Variants in PHACTR1 observed in about 807,000 individuals in gnomAD.
PHACTR1 encodes the protein phosphatase and actin regulator 1, also known as RPEL repeat containing 1.
In PHACTR1, 16 loss-of-function variants were observed where a neutral mutation model predicts 69.2. The ratio of observed to expected loss-of-function variants is 0.23; its 90% CI spans 0.16 to 0.35. The LOEUF (loss-of-function observed/expected upper bound fraction) is 0.35, where lower values mean the gene tolerates loss of function less well. Ranked by LOEUF, PHACTR1 falls within the 10% of genes least tolerant of loss-of-function variation. The probability of loss-of-function intolerance (pLI) is 1.00; values close to 1 mark genes in which losing one functional copy is unlikely to be tolerated. For synonymous variants in PHACTR1, 312 were observed against 284.5 expected, an observed-to-expected ratio of 1.10 and a Z score of -0.97; for missense variants, 510 against 734.7, an observed-to-expected ratio of 0.69 and a Z score of 3.54.
chr6:12,747,540 C>T (rs1765952678), intron 3 of PHACTR1, among the ~76,000 whole-genome samples: 1 of 151,944 alleles, frequency 6.6e-6, no homozygotes, highest in African/African-American at 2.4e-5. Context: ...GTGGTGCATG[C>T]CTGTAATCCT....
At chr6:12,788,053 T>C (rs1181359490) in intron 4 of PHACTR1, among the ~76,000 whole-genome samples, 2 of 151,720 alleles carry the variant, frequency 1.3e-5, no homozygotes, top group East Asian at 3.9e-4. Flanking sequence ...AGCTACTCGG[T>C]AGGCTGAGGC....
At chr6:12,868,211 C>T (rs1582183479) in intron 4 of PHACTR1, among the ~76,000 whole-genome samples, 6 of 149,866 alleles carry the variant, frequency 4.0e-5, no homozygotes, top group Admixed American at 2.0e-4. Flanking sequence ...GAACCAAGAT[C>T]GCGCCACTGC....
At chr6:13,124,772 C>T (rs1168316676) in intron 5 of PHACTR1, among the ~76,000 whole-genome samples, 2 of 152,232 alleles carry the variant, frequency 1.3e-5, no homozygotes, top group East Asian at 3.9e-4. Flanking sequence ...AAACAGCCGC[C>T]TTCTCACTGT....
chr6:12,749,783 G>A lies in PHACTR1; in HGVS notation c.243G>A (p.Leu81=), dbSNP rs770044370. The change falls in exon 4 of 15, where the codon CTG becomes CTA. Residue 81 remains leucine (L), a synonymous_variant. Coordinates refer to ENST00000332995, the MANE Select transcript of PHACTR1 (RefSeq NM_030948.6). ...YLAEARISFN[L]GAAEEVERLA... ...CAGAGGCCAGGATCTCCTTTAACCT[G>A]GGGGCAGGTAAGAACGCCCCTGGCG... 6.9e-6 allele frequency: 11 copies of A among 1,599,978 alleles called. No homozygotes were observed. Among genetic ancestry groups the A allele is most frequent in the Non-Finnish European group, 7.7e-6 (9 of 1,173,520 alleles).
intron 4 of PHACTR1, among the ~76,000 whole-genome samples, chr6:12,937,403 C>A (rs780712753): frequency 6.6e-5 from 10 of 151,766 alleles, no homozygotes; most frequent in Non-Finnish European, 1.0e-4. Flanking sequence ...AGCTGGAGTG[C>A]AATGGCGCAA....
At chr6:13,099,455 G>A (rs181063850) in intron 5 of PHACTR1, among the ~76,000 whole-genome samples, 32 of 152,308 alleles carry the variant, frequency 2.1e-4, no homozygotes, top group Admixed American at 1.9e-3. Context: ...GAATTCTCTG[G>A]TCACTCAGAC....
At chr6:13,100,987 C>T (rs1012010649) in intron 5 of PHACTR1, among the ~76,000 whole-genome samples, 4 of 152,192 alleles carry the variant, frequency 2.6e-5, no homozygotes, top group Non-Finnish European at 4.4e-5. Context: ...TCAACTCCCC[C>T]AACCCTCCAG....
intron 10 of PHACTR1, among the ~76,000 whole-genome samples, chr6:13,260,720 C>G (rs1775795244): frequency 6.6e-6 from 1 of 152,074 alleles, no homozygotes; most frequent in Admixed American, 6.5e-5. Context: ...ATAGGGCACC[C>G]CTGGGCTTTT....
intron 7 of PHACTR1, among the ~76,000 whole-genome samples, chr6:13,185,465 GAAAA>G (rs11290728): frequency 4.9e-5 from 7 of 142,182 alleles, no homozygotes; most frequent in East Asian, 2.0e-4. Context: ...TTCTCTTAGG[GAAAA>G]AAAAAAAAAA....
intron 4 of PHACTR1, among the ~76,000 whole-genome samples, chr6:12,927,171 A>C (rs1162292403): frequency 6.6e-6 from 1 of 152,228 alleles, no homozygotes; most frequent in African/African-American, 2.4e-5. Context: ...CAAGGGTCTA[A>C]AATCCAGGCG....
intron 4 of PHACTR1, among the ~76,000 whole-genome samples, chr6:12,859,538 A>G (rs369732326): frequency 6.6e-6 from 1 of 152,212 alleles, no homozygotes; most frequent in East Asian, 1.9e-4. Context: ...GACACTTATG[A>G]TGGGTTTTAT....
chr6:12,719,675 C>G (rs1440093358), intron 3 of PHACTR1, among the ~76,000 whole-genome samples: 4 of 152,210 alleles, frequency 2.6e-5, no homozygotes, highest in East Asian at 3.8e-4. Context: ...AGTCACAAAG[C>G]AGAGCTGAGA....
intron 14 of PHACTR1, among the ~76,000 whole-genome samples, chr6:13,286,592 C>A (rs1005091649): frequency 5.3e-5 from 8 of 152,220 alleles, no homozygotes; most frequent in Non-Finnish European, 1.5e-5. Context: ...CACATCCACA[C>A]GGGACTTCCA....
Position 12,966,035 on chromosome 6 carries a change from G to A in PHACTR1, c.251-87330G>A, listed in dbSNP as rs112386987. 3.1e-3 allele frequency among the ~76,000 whole-genome samples: 476 copies of A among 152,304 alleles called. 3 individuals carry two copies. The highest frequency in any genetic ancestry group is 0.011 in the African/African-American group (448 of 41,552). The stretch of plus-strand genomic sequence containing the variant: ...GAGGAGGCAAAGTATAAATGATTGA[G>A]GGAGTAGAATCAATAGGCTTTGACC... On this transcript the variant is annotated intron_variant, in intron 4 of 14. Coordinates refer to ENST00000332995, the MANE Select transcript of PHACTR1 (RefSeq NM_030948.6).
intron 5 of PHACTR1, among the ~76,000 whole-genome samples, chr6:13,152,272 G>A (rs1824428580): frequency 6.6e-6 from 1 of 151,920 alleles, no homozygotes; most frequent in Non-Finnish European, 1.5e-5. Context: ...AGGTGGAGGT[G>A]GCAGTGTGTC....
chr6:12,937,485 T>C lies in PHACTR1; in HGVS notation c.251-115880T>C, dbSNP rs991101950. 3.3e-5 allele frequency among the ~76,000 whole-genome samples: 5 copies of C among 152,220 alleles called. No individual in the cohort carries two copies. In the East Asian group the frequency reaches 5.8e-4, roughly 18 times the overall value. On this transcript the variant is annotated intron_variant, in intron 4 of 14. Coordinates refer to ENST00000332995, the MANE Select transcript of PHACTR1 (RefSeq NM_030948.6). ...TGCCTCTGATTGAGTGAATTTTATA[T>C]TTCAGTGAGCCAAACAGACAAAGTC...
At chr6:13,108,238 C>T (rs1027419979) in intron 5 of PHACTR1, among the ~76,000 whole-genome samples, 2 of 151,912 alleles carry the variant, frequency 1.3e-5, no homozygotes, top group Admixed American at 1.3e-4. Flanking sequence ...AGTCATAGAA[C>T]ATATTCCATA....
chr6:13,263,238 G>GTTTTTTTT (rs57164668), intron 10 of PHACTR1, among the ~76,000 whole-genome samples: 140 of 84,232 alleles, frequency 1.7e-3, no homozygotes, highest in Middle Eastern at 7.0e-3. Context: ...GGCTTTTAGT[G>GTTTTTTTT]TTTTTTTTTT....
At position 13,286,208 on chromosome 6, in the gene PHACTR1, T is replaced by C. The variant is rs745670318; in HGVS notation, c.1713T>C (p.Ser571=). 1.6e-5 allele frequency: 25 copies of C among 1,602,388 alleles called. No homozygotes were observed. Among genetic ancestry groups the C allele is most frequent in the Non-Finnish European group, 1.9e-5 (22 of 1,175,376 alleles). ...KSTEMEVHEL[S]RHLTRFHRP ...CTGAGATGGAAGTTCATGAATTGAG[T>C]AGACACTTAACAAGGTTAGTATTAA... The change falls in exon 14 of 15, where the codon AGT becomes AGC. Residue 571 remains serine, a synonymous_variant. Transcript: ENST00000332995.
Sources: allele counts gnomAD v4.1 joint callset (sites outside exome capture counted in the v4.1 genomes callset), GRCh38; gene constraint gnomAD v4.1.1; transcripts MANE v1.5; gene names NCBI Gene and HGNC (gene_info 2026-07-23, HGNC 2026-07-21).